Variants in SLIT3 observed in about 807,000 individuals in gnomAD.
SLIT3 encodes the protein slit homolog 3 protein.
In SLIT3, 68 loss-of-function variants were observed where a neutral mutation model predicts 184.0. The ratio of observed to expected loss-of-function variants is 0.37; its 90% CI spans 0.30 to 0.45. The LOEUF is 0.45. SLIT3 is among the 20% of genes least tolerant of loss of function. The pLI, the probability that SLIT3 is intolerant of heterozygous loss-of-function variation, is 1.00. For synonymous variants in SLIT3, 831 were observed against 828.6 expected (o/e 1.00, Z -0.05); for missense variants, 1,707 against 2,026.0 (o/e 0.84, Z 3.02).
intron 1 of SLIT3, among the ~76,000 whole-genome samples, chr5:169,291,219 G>A (rs756344223): frequency 1.8e-4 from 28 of 152,102 alleles, no homozygotes; most frequent in African/African-American, 3.6e-4. Flanking sequence ...CAGAGATCCC[G>A]GCTAAGAGAA....
At chr5:168,673,809 G>C (rs563326011) in intron 32 of SLIT3, among the ~76,000 whole-genome samples, 45 of 152,126 alleles carry the variant, frequency 3.0e-4, no homozygotes, top group Non-Finnish European at 6.3e-4. Context: ...CCAAGATTTA[G>C]TCTAGGGTCA....
chr5:169,043,364 G>T (rs1311402888), intron 4 of SLIT3, among the ~76,000 whole-genome samples: 1 of 152,198 alleles, frequency 6.6e-6, no homozygotes, highest in African/African-American at 2.4e-5. Context: ...CATATCCACA[G>T]ATTACCCACA....
At chr5:169,005,915 G>T (rs1232036236) in intron 4 of SLIT3, among the ~76,000 whole-genome samples, 1 of 152,366 alleles carries the variant, frequency 6.6e-6, no homozygotes, top group East Asian at 1.9e-4. Context: ...AGTCAGCAGG[G>T]CCATAGGAAC....
chr5:168,759,687 G>T (rs571789783), intron 16 of SLIT3, among the ~76,000 whole-genome samples: 1 of 152,276 alleles, frequency 6.6e-6, no homozygotes, highest in East Asian at 1.9e-4. Flanking sequence ...TTTTTGTTTT[G>T]GTTTTTGTTT....
At chr5:169,127,649 C>A (rs912376356) in intron 4 of SLIT3, among the ~76,000 whole-genome samples, 1 of 152,182 alleles carries the variant, frequency 6.6e-6, no homozygotes, top group African/African-American at 2.4e-5. Context: ...AGAGCAGGGG[C>A]TCTGGTTTCG....
At chr5:169,117,805 A>G (rs1309008139) in intron 4 of SLIT3, among the ~76,000 whole-genome samples, 1 of 152,202 alleles carries the variant, frequency 6.6e-6, no homozygotes, top group African/African-American at 2.4e-5. Flanking sequence ...AAATATTGCC[A>G]ATGAAGTCAG....
At chr5:169,292,697 G>A (rs1767394797) in intron 1 of SLIT3, among the ~76,000 whole-genome samples, 1 of 152,220 alleles carries the variant, frequency 6.6e-6, no homozygotes, top group Non-Finnish European at 1.5e-5. Context: ...ATGGGGAAAG[G>A]AGTAGTTAAT....
At chr5:168,812,995 AAGCTTTG>A in intron 8 of SLIT3, among the ~76,000 whole-genome samples, 1 of 146,084 alleles carries the variant, frequency 6.8e-6, no homozygotes, top group African/African-American at 2.8e-5. Flanking sequence ...TATTAGGTTC[AAGCTTTG>A]TTCTAGGCAT....
chr5:169,041,217 TCA>T (rs1179109036), intron 4 of SLIT3, among the ~76,000 whole-genome samples: 4 of 152,354 alleles, frequency 2.6e-5, no homozygotes, highest in African/African-American at 9.6e-5. Context: ...CATGGCTCTC[TCA>T]CTCATTTGCT....
At chr5:168,836,413 G>A (rs996007219) in intron 6 of SLIT3, among the ~76,000 whole-genome samples, 8 of 152,294 alleles carry the variant, frequency 5.3e-5, no homozygotes, top group Admixed American at 6.5e-5. Flanking sequence ...CATCAGGCAG[G>A]GGCACCTTTG....
intron 1 of SLIT3, among the ~76,000 whole-genome samples, chr5:169,267,867 G>A (rs1353994217): frequency 6.6e-6 from 1 of 152,192 alleles, no homozygotes; most frequent in African/African-American, 2.4e-5. Flanking sequence ...GACACATCTT[G>A]GTTAAGTGTC....
At chr5:169,078,922 T>G (rs1758855595) in intron 4 of SLIT3, among the ~76,000 whole-genome samples, 1 of 152,252 alleles carries the variant, frequency 6.6e-6, no homozygotes, top group South Asian at 2.1e-4. Flanking sequence ...GAGGAATTAA[T>G]TAGTTTTTTA....
rs150528782 is a variant in SLIT3 at position 168,735,661 on chromosome 5, TACACACACACACACACAC to T, written c.2271-11195_2271-11178del. Among the ~76,000 whole-genome samples, 178 of 142,174 alleles carry T rather than the reference TACACACACACACACACAC, an allele frequency of 1.3e-3. 1 individual carries two copies. Among genetic ancestry groups the T allele is most frequent in the African/African-American group, 2.9e-3 (109 of 38,146 alleles). The allele number at this position is 142,174 out of a possible 152,430, so 93.3% of individuals were successfully genotyped here. Reference sequence around the variant, plus strand: ...ATACACATACATATAGACAGATAGATACACACACACACACACACACACACACACACACACACACACACA... The same window carrying T: ...ATACACATACATATAGACAGATAGATACACACACACACACACACACACACA... On this transcript the variant is annotated intron_variant, in intron 20 of 35. Coordinates refer to ENST00000519560, the MANE Select transcript of SLIT3 (RefSeq NM_003062.4).
At chr5:169,159,044 A>G (rs1364066373) in intron 4 of SLIT3, among the ~76,000 whole-genome samples, 1 of 152,182 alleles carries the variant, frequency 6.6e-6, no homozygotes, top group African/African-American at 2.4e-5. Context: ...GTGCTTTGGG[A>G]GGCTGAGGCG....
chr5:169,042,321 C>T (rs1274135658), intron 4 of SLIT3, among the ~76,000 whole-genome samples: 1 of 152,124 alleles, frequency 6.6e-6, no homozygotes, highest in African/African-American at 2.4e-5. Context: ...TTAATTCAAC[C>T]CTCAAAGTCA....
intron 4 of SLIT3, among the ~76,000 whole-genome samples, chr5:169,164,049 C>A (rs1452428650): frequency 6.6e-6 from 1 of 152,188 alleles, no homozygotes; most frequent in Non-Finnish European, 1.5e-5. Flanking sequence ...CCCACACTCA[C>A]CCCAGTGATT....
intron 14 of SLIT3, among the ~76,000 whole-genome samples, chr5:168,765,730 G>C (rs1747961862): frequency 1.3e-5 from 2 of 152,136 alleles, no homozygotes; most frequent in South Asian, 2.1e-4. Flanking sequence ...TTCTCTTTGG[G>C]GTGAGTTCAG....
intron 11 of SLIT3, among the ~76,000 whole-genome samples, chr5:168,786,351 A>G (rs1756153670): frequency 6.6e-6 from 1 of 152,148 alleles, no homozygotes; most frequent in Non-Finnish European, 1.5e-5. Flanking sequence ...TTCAATGGGT[A>G]TTGATCAGCT....
chr5:169,139,842 C>T (rs1480994782), intron 4 of SLIT3, among the ~76,000 whole-genome samples: 1 of 152,168 alleles, frequency 6.6e-6, no homozygotes, highest in Non-Finnish European at 1.5e-5. Context: ...CTGAAGAATG[C>T]TACAAGAGAA....
Sources: allele counts gnomAD v4.1 joint callset (sites outside exome capture counted in the v4.1 genomes callset), GRCh38; gene constraint gnomAD v4.1.1; transcripts MANE v1.5; gene names NCBI Gene and HGNC (gene_info 2026-07-23, HGNC 2026-07-21).